AGBL4: variants seen among roughly 807,000 people sequenced by gnomAD.
The protein encoded by AGBL4 is cytosolic carboxypeptidase 6.
AGBL4 carries 58 observed loss-of-function variants against 66.4 expected under a neutral mutation model. The observed-to-expected ratio is 0.87, with a 90% CI of 0.71 to 1.09. The LOEUF (loss-of-function observed/expected upper bound fraction) is 1.09. Ranked by LOEUF, AGBL4 falls within the 50% of genes least tolerant of loss-of-function variation. The probability of loss-of-function intolerance (pLI) is 0.00; values close to 1 mark genes in which losing one functional copy is unlikely to be tolerated. For missense variants in AGBL4, 579 were observed against 631.0 expected (o/e 0.92, Z 0.88); for synonymous variants, 234 against 222.9 (o/e 1.05, Z -0.44).
chr1:48,767,832 A>G (rs908625695), intron 6 of AGBL4, among the ~76,000 whole-genome samples: 1 of 152,174 alleles, frequency 6.6e-6, no homozygotes, highest in African/African-American at 2.4e-5. Flanking sequence ...GAAACCACCA[A>G]AGATTTGGGC....
At chr1:49,066,765 G>A (rs1644499644) in intron 4 of AGBL4, among the ~76,000 whole-genome samples, 1 of 152,164 alleles carries the variant, frequency 6.6e-6, no homozygotes, top group African/African-American at 2.4e-5. Flanking sequence ...GAGCAGCAAA[G>A]CCTTAGTTGA....
intron 6 of AGBL4, among the ~76,000 whole-genome samples, chr1:48,666,042 C>T (rs532729128): frequency 6.6e-6 from 1 of 152,320 alleles, no homozygotes; most frequent in South Asian, 2.1e-4. Context: ...AATCAAGCAT[C>T]TCGGGTGCTA....
intron 3 of AGBL4, among the ~76,000 whole-genome samples, chr1:49,299,009 C>T (rs1644695154): frequency 6.6e-6 from 1 of 152,118 alleles, no homozygotes; most frequent in African/African-American, 2.4e-5. Context: ...GATACAACAA[C>T]AGTAACAATG....
chr1:49,733,939 C>T (rs1649657352), intron 2 of AGBL4, among the ~76,000 whole-genome samples: 1 of 152,082 alleles, frequency 6.6e-6, no homozygotes. Flanking sequence ...TACACTATGA[C>T]TAAGTAGAAT....
chr1:49,058,869 C>T (rs1159983305), intron 4 of AGBL4, among the ~76,000 whole-genome samples: 1 of 152,110 alleles, frequency 6.6e-6, no homozygotes, highest in Non-Finnish European at 1.5e-5. Context: ...TTTGCCCTGC[C>T]CTAGAGATCT....
chr1:49,207,431 CCTTTCTTTCTTTTT>C (rs1443797862), intron 4 of AGBL4, among the ~76,000 whole-genome samples: 2 of 143,664 alleles, frequency 1.4e-5, no homozygotes, highest in Non-Finnish European at 3.0e-5. Context: ...CTGAGTATCT[CCTTTCTTTCTTTTT>C]CTTTCTTTCT....
chr1:50,015,087 A>C (rs775058381), intron 1 of AGBL4, among the ~76,000 whole-genome samples: 1 of 152,218 alleles, frequency 6.6e-6, no homozygotes, highest in Non-Finnish European at 1.5e-5. Flanking sequence ...TGTGATGCAC[A>C]TGTTGTTTTC....
chr1:49,572,787 A>G (rs1446296521), intron 3 of AGBL4, among the ~76,000 whole-genome samples: 2 of 152,202 alleles, frequency 1.3e-5, no homozygotes, highest in Non-Finnish European at 2.9e-5. Context: ...ACAAAGTATT[A>G]ATCCTGGGTG....
intron 3 of AGBL4, among the ~76,000 whole-genome samples, chr1:49,410,481 A>G (rs958104065): frequency 1.3e-5 from 2 of 152,192 alleles, no homozygotes; most frequent in Non-Finnish European, 2.9e-5. Flanking sequence ...TAACAGCTCT[A>G]TGAGATGAAT....
At chr1:49,520,959 C>T (rs974331834) in intron 3 of AGBL4, among the ~76,000 whole-genome samples, 3 of 151,830 alleles carry the variant, frequency 2.0e-5, no homozygotes, top group African/African-American at 7.3e-5. Flanking sequence ...CAGGCATTTG[C>T]CATCACACCC....
intron 2 of AGBL4, among the ~76,000 whole-genome samples, chr1:49,732,403 A>T (rs1649524814): frequency 6.6e-6 from 1 of 152,268 alleles, no homozygotes; most frequent in Admixed American, 6.5e-5. Flanking sequence ...TTAAAAGACA[A>T]GCAAAGAAAC....
intron 5 of AGBL4, among the ~76,000 whole-genome samples, chr1:49,042,029 TA>T (rs1162292792): frequency 3.3e-5 from 5 of 152,074 alleles, no homozygotes; most frequent in Non-Finnish European, 5.9e-5. Flanking sequence ...ATTAACTTCT[TA>T]AAAAACTCAT....
At chr1:49,253,509 T>A (rs1316619906) in intron 3 of AGBL4, among the ~76,000 whole-genome samples, 1 of 150,976 alleles carries the variant, frequency 6.6e-6, no homozygotes, top group East Asian at 1.9e-4. Flanking sequence ...AAATAACGAG[T>A]TCTAAAATTG....
intron 1 of AGBL4, among the ~76,000 whole-genome samples, chr1:49,874,786 C>A (rs186015471): frequency 6.6e-6 from 1 of 152,012 alleles, no homozygotes; most frequent in East Asian, 1.9e-4. Context: ...ACTTCTCTAA[C>A]AATTTTTGTT....
At chr1:48,534,596 CA>C (rs927604825) in intron 13 of AGBL4, among the ~76,000 whole-genome samples, 12 of 152,278 alleles carry the variant, frequency 7.9e-5, no homozygotes, top group Admixed American at 7.8e-4. Flanking sequence ...AGTTTGAATT[CA>C]AATTGAAGAT....
intron 3 of AGBL4, among the ~76,000 whole-genome samples, chr1:49,320,392 G>A (rs1645112170): frequency 1.3e-5 from 2 of 152,204 alleles, no homozygotes; most frequent in African/African-American, 4.8e-5. Flanking sequence ...AGGAAGCAGA[G>A]GAGAATGGAC....
chr1:48,875,317 G>T (rs1181764585), intron 5 of AGBL4, among the ~76,000 whole-genome samples: 1 of 152,104 alleles, frequency 6.6e-6, no homozygotes, highest in Non-Finnish European at 1.5e-5. Context: ...ACTGCCTTCA[G>T]GGGAAACATG....
chr1:49,077,982 C>T (rs955490134), intron 4 of AGBL4, among the ~76,000 whole-genome samples: 19 of 152,220 alleles, frequency 1.2e-4, no homozygotes, highest in Middle Eastern at 3.4e-3. Context: ...TAATATACCC[C>T]TTTAAAGAAT....
chr1:49,061,789 C>G (rs1325246597), intron 4 of AGBL4, among the ~76,000 whole-genome samples: 1 of 152,162 alleles, frequency 6.6e-6, no homozygotes, highest in Admixed American at 6.5e-5. Context: ...TAGCCTTCAT[C>G]TTGTTGGCAG....
Sources: gnomAD v4.1 joint callset for allele counts (sites outside exome capture counted in the v4.1 genomes callset) on GRCh38, gnomAD v4.1.1 for gene constraint, MANE v1.5 for transcripts, NCBI Gene and HGNC (gene_info 2026-07-23, HGNC 2026-07-21) for gene names.